IP6K1: variants seen among roughly 807,000 people sequenced by gnomAD.
The protein encoded by IP6K1 is inositol hexakisphosphate kinase 1.
Under a neutral mutation model 38.3 loss-of-function variants are expected in IP6K1, and 13 were observed. The ratio of observed to expected loss-of-function variants is 0.34; its 90% CI spans 0.22 to 0.54. IP6K1 has a LOEUF of 0.54. IP6K1 is among the 20% of genes least tolerant of loss of function. The probability of loss-of-function intolerance (pLI) is 0.92; values close to 1 mark genes in which losing one functional copy is unlikely to be tolerated. For synonymous variants in IP6K1, 212 were observed against 229.9 expected (o/e 0.92, Z 0.70); for missense variants, 397 against 599.8 (o/e 0.66, Z 3.53).
chr3:49,761,093 A>C (rs545663161), intron 1 of IP6K1, among the ~76,000 whole-genome samples: 177 of 151,898 alleles, frequency 1.2e-3, no homozygotes, highest in African/African-American at 3.7e-3. Flanking sequence ...AGGCGAATGG[A>C]TCACGAGGTC....
At chr3:49,745,079 C>T in intron 2 of IP6K1, among the ~76,000 whole-genome samples, 1 of 151,356 alleles carries the variant, frequency 6.6e-6, no homozygotes, top group Admixed American at 6.6e-5. Context: ...GCCCTGAACT[C>T]ATAAGTGTAA....
chr3:49,766,425 A>G (rs1053138953), intron 1 of IP6K1, among the ~76,000 whole-genome samples: 1 of 151,858 alleles, frequency 6.6e-6, no homozygotes, highest in Non-Finnish European at 1.5e-5. Context: ...GCACTTTGGG[A>G]GGCCAAGGCA....
chr3:49,758,946 CA>C (rs879734288), intron 1 of IP6K1, among the ~76,000 whole-genome samples: 9 of 93,302 alleles, frequency 9.6e-5, no homozygotes, highest in Admixed American at 2.7e-4. Flanking sequence ...GACTCTGTCT[CA>C]AAAAAAAAAA....
At chr3:49,781,115 G>A (rs1344932151) in intron 1 of IP6K1, among the ~76,000 whole-genome samples, 6 of 151,276 alleles carry the variant, frequency 4.0e-5, no homozygotes, top group Admixed American at 3.9e-4. Flanking sequence ...AGGCTAGAGT[G>A]CAGTGGCGCA....
intron 1 of IP6K1, among the ~76,000 whole-genome samples, chr3:49,771,372 A>T (rs969983215): frequency 2.0e-5 from 3 of 150,964 alleles, no homozygotes; most frequent in East Asian, 1.9e-4. Context: ...AGCCAATTTT[A>T]AAAAAAAATG....
chr3:49,761,216 G>T (rs773435250), intron 1 of IP6K1, among the ~76,000 whole-genome samples: 1 of 152,026 alleles, frequency 6.6e-6, no homozygotes, highest in Non-Finnish European at 1.5e-5. Context: ...TCGGGAGGCC[G>T]AGGCAGGAGA....
chr3:49,770,359 C>T (rs2080946330), intron 1 of IP6K1, among the ~76,000 whole-genome samples: 1 of 152,186 alleles, frequency 6.6e-6, no homozygotes, highest in Admixed American at 6.5e-5. Context: ...CCCAATCTCA[C>T]ACAATAACAA....
intron 1 of IP6K1, among the ~76,000 whole-genome samples, chr3:49,775,895 T>C (rs1205720952): frequency 2.0e-5 from 3 of 151,902 alleles, no homozygotes; most frequent in Non-Finnish European, 4.4e-5. Flanking sequence ...GTTCTCCATA[T>C]TGATATGTTC....
At chr3:49,783,595 C>T (rs989032943) in intron 1 of IP6K1, among the ~76,000 whole-genome samples, 1 of 151,914 alleles carries the variant, frequency 6.6e-6, no homozygotes, top group Admixed American at 6.6e-5. Flanking sequence ...TGCCTATAGT[C>T]CCAGCTATTT....
intron 1 of IP6K1, among the ~76,000 whole-genome samples, chr3:49,780,266 A>C (rs1390958767): frequency 1.5e-5 from 2 of 135,350 alleles, no homozygotes; most frequent in African/African-American, 2.7e-5. Context: ...AATAAACGTA[A>C]CTTCAAACCA....
intron 1 of IP6K1, among the ~76,000 whole-genome samples, chr3:49,775,071 A>G (rs981831977): frequency 1.3e-5 from 2 of 152,022 alleles, no homozygotes; most frequent in Non-Finnish European, 2.9e-5. Context: ...TAACAGCATT[A>G]TAACTCATGC....
chr3:49,778,866 T>A (rs975591117), intron 1 of IP6K1, among the ~76,000 whole-genome samples: 2 of 152,110 alleles, frequency 1.3e-5, no homozygotes, highest in African/African-American at 4.8e-5. Context: ...GCTCAAGTGA[T>A]CCTACTGCCT....
intron 1 of IP6K1, among the ~76,000 whole-genome samples, chr3:49,764,364 G>A (rs1008691556): frequency 8.6e-6 from 1 of 115,816 alleles, no homozygotes; most frequent in Non-Finnish European, 1.9e-5. Context: ...CCTGGGCAAC[G>A]AAGCAAGACC....
In IP6K1 at chr3:49,724,567, T is replaced by C. The variant is rs2080478926; in HGVS notation, c.*2555A>G. On this transcript the variant is annotated 3_prime_UTR_variant, in exon 6 of 6. Transcript: ENST00000321599. Reference sequence around the variant, plus strand: ...CAAAAGAACCAGGTCCTTCCCAGGGTTCTCCATTATTTTTTCCTCATTAAA... The same window carrying C: ...CAAAAGAACCAGGTCCTTCCCAGGGCTCTCCATTATTTTTTCCTCATTAAA... 1 of 152,266 alleles carries C rather than the reference T, an allele frequency of 6.6e-6. No individual in the cohort carries two copies. The highest frequency in any genetic ancestry group is 2.1e-4 in the South Asian group (1 of 4,818). The allele number at this position is 152,266 out of a possible 1,614,324, so 9.4% of individuals were successfully genotyped here.
At chr3:49,785,066 G>A (rs1304644293) in intron 1 of IP6K1, among the ~76,000 whole-genome samples, 2 of 152,180 alleles carry the variant, frequency 1.3e-5, no homozygotes, top group African/African-American at 4.8e-5. Context: ...AAGAACCAAA[G>A]AGGCCACAGG....
intron 4 of IP6K1, among the ~76,000 whole-genome samples, chr3:49,729,450 C>T (rs537514733): frequency 6.6e-6 from 1 of 151,682 alleles, no homozygotes; most frequent in Non-Finnish European, 1.5e-5. Flanking sequence ...GCTCGTTGCC[C>T]AGGCTGGAGT....
intron 1 of IP6K1, among the ~76,000 whole-genome samples, chr3:49,763,431 C>T (rs2080883995): frequency 6.6e-6 from 1 of 151,732 alleles, no homozygotes; most frequent in South Asian, 2.1e-4. Context: ...AATAACAAAA[C>T]CTAAAAAAGA....
chr3:49,775,140 A>G (rs1345106278), intron 1 of IP6K1: 1 of 153,804 alleles, frequency 6.5e-6, no homozygotes, highest in Non-Finnish European at 1.4e-5. Context: ...TTGTGTTTAA[A>G]AACACCAGGC....
At chr3:49,769,049 C>A (rs1212436569) in intron 1 of IP6K1, among the ~76,000 whole-genome samples, 1 of 151,882 alleles carries the variant, frequency 6.6e-6, no homozygotes. Flanking sequence ...TGTCTTGGGT[C>A]AAATTTAACA....
Sources: allele counts gnomAD v4.1 joint callset (sites outside exome capture counted in the v4.1 genomes callset), GRCh38; gene constraint gnomAD v4.1.1; transcripts MANE v1.5; gene names NCBI Gene and HGNC (gene_info 2026-07-23, HGNC 2026-07-21).